SPAG16: variants seen among roughly 807,000 people sequenced by gnomAD.
SPAG16 encodes the protein sperm associated antigen 16.
In SPAG16, 86 loss-of-function variants were observed where a neutral mutation model predicts 80.4. The observed-to-expected ratio is 1.07, with a 90% CI of 0.90 to 1.28. The LOEUF is 1.28. Among genes scored for constraint, SPAG16 ranks in the 50% most tolerant of loss-of-function variants. The probability of loss-of-function intolerance (pLI) is 0.00; values close to 1 mark genes in which losing one functional copy is unlikely to be tolerated. For missense variants in SPAG16, 870 were observed against 765.3 expected (o/e 1.14, Z -1.61); for synonymous variants, 294 against 265.9 (o/e 1.11, Z -1.03).
intron 10 of SPAG16, among the ~76,000 whole-genome samples, chr2:213,660,529 A>G (rs1180755670): frequency 6.6e-6 from 1 of 152,164 alleles, no homozygotes; most frequent in Non-Finnish European, 1.5e-5. Context: ...TCTGGGGGCC[A>G]GGATTTAAAA....
intron 9 of SPAG16, among the ~76,000 whole-genome samples, chr2:213,410,471 C>T (rs2068902529): frequency 6.6e-6 from 1 of 152,188 alleles, no homozygotes; most frequent in South Asian, 2.1e-4. Context: ...AACCAGGAGT[C>T]TTGCCCCCGA....
At position 214,042,019 on chromosome 2, in the gene SPAG16, C is replaced by G. The variant is rs1276416923; in HGVS notation, c.1527+27942C>G. On this transcript the variant is annotated intron_variant, in intron 13 of 15. Coordinates refer to ENST00000331683, the MANE Select transcript of SPAG16 (RefSeq NM_024532.5). ...ATATATATATATATACACACACACA[C>G]AAATATATACACAAACATGTAATAA... is the stretch of plus-strand genomic sequence containing the variant. 2.2e-5 allele frequency among the ~76,000 whole-genome samples: 3 copies of G among 136,314 alleles called. No individual in the cohort carries two copies. In the East Asian group the frequency reaches 6.3e-4, roughly 29 times the overall value. The allele number at this position is 136,314 out of a possible 152,430, so 89.4% of individuals were successfully genotyped here. A position where few individuals can be genotyped will look rare whatever the true frequency, so the allele number is the denominator to read the frequency against.
chr2:213,303,259 T>C (rs1240538673), intron 3 of SPAG16, among the ~76,000 whole-genome samples: 2 of 152,010 alleles, frequency 1.3e-5, no homozygotes, highest in Non-Finnish European at 2.9e-5. Flanking sequence ...AGTTTTTTTT[T>C]TAATTTTTAA....
At chr2:214,076,740 A>G (rs192536876) in intron 13 of SPAG16, among the ~76,000 whole-genome samples, 32 of 152,296 alleles carry the variant, frequency 2.1e-4, no homozygotes, top group Middle Eastern at 3.4e-3. Flanking sequence ...TTTAACCACA[A>G]TGGCATATGA....
intron 12 of SPAG16, among the ~76,000 whole-genome samples, chr2:214,007,447 T>G (rs2047080825): frequency 1.3e-5 from 2 of 152,006 alleles, no homozygotes; most frequent in African/African-American, 4.8e-5. Context: ...AAAAAAAATG[T>G]GTGAAATTAA....
At position 213,813,425 on chromosome 2, in the gene SPAG16, T is replaced by G. The variant is rs901151968; in HGVS notation, c.1071-49060T>G. Among the ~76,000 whole-genome samples, 6 of 152,036 alleles carry G rather than the reference T, an allele frequency of 3.9e-5. No individual in the cohort carries two copies. The East Asian group carries it at 1.2e-3, about 29-fold the overall frequency. ...AGATAATTTCCACAGATTTCCACCA[T>G]GTGCTCAAAAGAAAAGATGGAGGGC... On this transcript the variant is annotated intron_variant, in intron 10 of 15. Coordinates refer to ENST00000331683, the MANE Select transcript of SPAG16 (RefSeq NM_024532.5).
intron 14 of SPAG16, among the ~76,000 whole-genome samples, chr2:214,118,112 C>G (rs976016475): frequency 1.1e-4 from 17 of 152,114 alleles, no homozygotes; most frequent in Middle Eastern, 3.4e-3. Context: ...TCTACAGACC[C>G]CACTGAAAAA....
chr2:213,897,488 G>A (rs2077040317), intron 11 of SPAG16, among the ~76,000 whole-genome samples: 1 of 151,862 alleles, frequency 6.6e-6, no homozygotes, highest in African/African-American at 2.4e-5. Context: ...TGACTTTATT[G>A]TTTTCTTGGA....
chr2:214,374,761 C>A (rs1204694089), intron 15 of SPAG16, among the ~76,000 whole-genome samples: 1 of 152,174 alleles, frequency 6.6e-6, no homozygotes, highest in Non-Finnish European at 1.5e-5. Flanking sequence ...AACAAAGTTG[C>A]ATCAAAGTAG....
chr2:213,907,726 T>A (rs1258218935), intron 11 of SPAG16, among the ~76,000 whole-genome samples: 1 of 152,116 alleles, frequency 6.6e-6, no homozygotes, highest in African/African-American at 2.4e-5. Context: ...CAGCAACATG[T>A]ATGAGCCTGG....
chr2:214,186,363 C>T (rs1258103579), intron 15 of SPAG16, among the ~76,000 whole-genome samples: 2 of 152,080 alleles, frequency 1.3e-5, no homozygotes, highest in Non-Finnish European at 2.9e-5. Flanking sequence ...TGAGTTTTTC[C>T]TTCTTCTAAG....
At chr2:214,356,218 A>G (rs1455011932) in intron 15 of SPAG16, among the ~76,000 whole-genome samples, 2 of 152,000 alleles carry the variant, frequency 1.3e-5, no homozygotes, top group Non-Finnish European at 2.9e-5. Context: ...ATGAGAAAAA[A>G]ATAAAAAGAA....
chr2:213,768,650 A>T (rs1035959211), intron 10 of SPAG16, among the ~76,000 whole-genome samples: 3 of 152,240 alleles, frequency 2.0e-5, no homozygotes, highest in Non-Finnish European at 2.9e-5. Flanking sequence ...CAGATGATGA[A>T]AATAAATTTC....
chr2:214,322,271 G>A (rs1011444192), intron 15 of SPAG16, among the ~76,000 whole-genome samples: 3 of 152,036 alleles, frequency 2.0e-5, no homozygotes, highest in Non-Finnish European at 4.4e-5. Flanking sequence ...GATTTCAATG[G>A]TCTGAATGAG....
chr2:214,276,690 G>C (rs1692489687), intron 15 of SPAG16, among the ~76,000 whole-genome samples: 1 of 152,172 alleles, frequency 6.6e-6, no homozygotes, highest in South Asian at 2.1e-4. Context: ...CCCTTTGTGG[G>C]TAACCTGACC....
chr2:213,967,357 AT>A (rs1328938521), intron 12 of SPAG16, among the ~76,000 whole-genome samples: 1 of 152,142 alleles, frequency 6.6e-6, no homozygotes, highest in East Asian at 1.9e-4. Flanking sequence ...ATCACTTTGA[AT>A]TTTGCTCAAT....
intron 12 of SPAG16, among the ~76,000 whole-genome samples, chr2:213,967,769 T>G (rs950704650): frequency 1.3e-5 from 2 of 152,220 alleles, no homozygotes; most frequent in African/African-American, 4.8e-5. Context: ...AGGAGTATAG[T>G]AGTTTATGGG....
chr2:214,408,645 G>T (rs1326077644), intron 15 of SPAG16, among the ~76,000 whole-genome samples: 1 of 152,108 alleles, frequency 6.6e-6, no homozygotes, highest in Non-Finnish European at 1.5e-5. Context: ...CTTTTATGGT[G>T]ATATAATTCT....
At chr2:214,070,305 G>T (rs1449827813) in intron 13 of SPAG16, among the ~76,000 whole-genome samples, 1 of 151,940 alleles carries the variant, frequency 6.6e-6, no homozygotes, top group Non-Finnish European at 1.5e-5. Context: ...TCTGATACCA[G>T]ATGAATATTT....
Sources: allele counts gnomAD v4.1 joint callset (sites outside exome capture counted in the v4.1 genomes callset), GRCh38; gene constraint gnomAD v4.1.1; transcripts MANE v1.5; gene names NCBI Gene and HGNC (gene_info 2026-07-23, HGNC 2026-07-21).